Variants in TASP1 observed in about 807,000 individuals in gnomAD.
TASP1 encodes threonine aspartase 1.
TASP1 carries 16 observed loss-of-function variants against 56.6 expected under a neutral mutation model. The ratio of observed to expected loss-of-function variants is 0.28; its 90% CI spans 0.19 to 0.43. The LOEUF is 0.43. Ranked by LOEUF, TASP1 falls within the 20% of genes least tolerant of loss-of-function variation. TASP1 has a pLI of 1.00. For synonymous variants in TASP1, 179 were observed against 184.2 expected (o/e 0.97, Z 0.23); for missense variants, 393 against 511.6 (o/e 0.77, Z 2.24).
chr20:13,393,817 G>C, intron 13 of TASP1: 1 of 558,918 alleles, frequency 1.8e-6, no homozygotes, highest in Non-Finnish European at 3.2e-6. Context: ...CCTGAAGAGG[G>C]AGGGGCCTAG....
intron 6 of TASP1, among the ~76,000 whole-genome samples, chr20:13,570,919 T>A (rs1446937262): frequency 6.6e-6 from 1 of 152,060 alleles, no homozygotes; most frequent in South Asian, 2.1e-4. Flanking sequence ...ATTCTGTTCA[T>A]GAGAAGATGT....
chr20:13,590,875 T>A (rs1601365344), intron 4 of TASP1, among the ~76,000 whole-genome samples: 2 of 151,286 alleles, frequency 1.3e-5, no homozygotes, highest in South Asian at 2.1e-4. Context: ...CAAAAAAAAA[T>A]AAATAAATAA....
At chr20:13,582,189 A>T (rs1395624244) in intron 5 of TASP1, among the ~76,000 whole-genome samples, 1 of 151,828 alleles carries the variant, frequency 6.6e-6, no homozygotes, top group African/African-American at 2.4e-5. Context: ...ATATAGTTCT[A>T]GATGTGATGA....
At chr20:13,247,526 G>GTGTGTC in the TASP1 span, among the ~76,000 whole-genome samples, 601 of 149,458 alleles carry the variant, frequency 4.0e-3, 2 homozygotes, top group African/African-American at 0.014. Context: ...GGGTGTGTGT[G>GTGTGTC]TGTGTGTGTG....
chr20:13,632,693 T>C (rs6042265), intron 1 of TASP1, among the ~76,000 whole-genome samples: 4,326 of 152,268 alleles, frequency 0.028, 216 homozygotes, highest in African/African-American at 0.096. Flanking sequence ...AATACATGAC[T>C]CTATCCTCCA....
At chr20:13,482,437 A>T (rs2043174171) in intron 11 of TASP1, among the ~76,000 whole-genome samples, 1 of 152,094 alleles carries the variant, frequency 6.6e-6, no homozygotes. Flanking sequence ...TTTCTATTTC[A>T]GAAGAATGTC....
intron 1 of TASP1, among the ~76,000 whole-genome samples, chr20:13,637,486 C>CAT (rs1466407645): frequency 6.6e-6 from 1 of 152,160 alleles, no homozygotes; most frequent in Non-Finnish European, 1.5e-5. Context: ...TAGAAACAAC[C>CAT]TAAATGTCCA....
the TASP1 span, among the ~76,000 whole-genome samples, chr20:13,213,862 A>G: frequency 3.6e-4 from 55 of 152,286 alleles, no homozygotes; most frequent in African/African-American, 1.3e-3. Flanking sequence ...AATCCTAGAG[A>G]AACAAACATA....
At chr20:13,362,289 C>G in the TASP1 span, among the ~76,000 whole-genome samples, 3 of 151,824 alleles carry the variant, frequency 2.0e-5, no homozygotes, top group South Asian at 2.1e-4. Flanking sequence ...GTGACTTGCA[C>G]GTATATGCCC....
intron 11 of TASP1, among the ~76,000 whole-genome samples, chr20:13,466,614 G>A (rs575574378): frequency 2.1e-4 from 32 of 152,210 alleles, no homozygotes; most frequent in South Asian, 1.5e-3. Context: ...GGTGGCATGC[G>A]CCTGTAATCC....
rs373873578 is a variant in TASP1, at chr20:13,438,407, T to G, written c.986-3253A>C. On this transcript the variant is annotated intron_variant, in intron 11 of 13. Transcript: ENST00000337743. ...CTGACAAAAACAAGAAATGGGGAAA[T>G]GATTCCCTATTTAATAAATGGTGCT... Among the ~76,000 whole-genome samples the G allele has an allele frequency of 3.2e-3, 492 of 152,150 alleles. 2 individuals are homozygous for G. Among genetic ancestry groups the G allele is most frequent in the East Asian group, 0.011 (58 of 5,166 alleles).
intron 8 of TASP1, among the ~76,000 whole-genome samples, chr20:13,550,185 C>G (rs113505026): frequency 3.5e-4 from 52 of 148,468 alleles, no homozygotes; most frequent in East Asian, 1.8e-3. Context: ...CACACACACA[C>G]AGAGACACTG....
chr20:13,490,883 C>T (rs976331653), intron 10 of TASP1, among the ~76,000 whole-genome samples: 2 of 152,082 alleles, frequency 1.3e-5, no homozygotes, highest in African/African-American at 4.8e-5. Flanking sequence ...AGAAAAATCA[C>T]ATAAAGCATT....
chr20:13,596,695 A>C (rs1022435272), intron 4 of TASP1, among the ~76,000 whole-genome samples: 1 of 152,208 alleles, frequency 6.6e-6, no homozygotes, highest in Non-Finnish European at 1.5e-5. Context: ...AGCAGAACTG[A>C]AGGAGACAGA....
the TASP1 span, among the ~76,000 whole-genome samples, chr20:13,222,978 C>CT: frequency 1.3e-5 from 2 of 152,052 alleles, no homozygotes; most frequent in African/African-American, 2.4e-5. Context: ...TCCTGGCCGA[C>CT]ATGGTGAAAC....
At chr20:13,110,578 G>A in the TASP1 span, among the ~76,000 whole-genome samples, 1 of 152,170 alleles carries the variant, frequency 6.6e-6, no homozygotes, top group Non-Finnish European at 1.5e-5. Context: ...CTTTATGACT[G>A]GTAGAAATTG....
At chr20:13,172,637 G>A in the TASP1 span, among the ~76,000 whole-genome samples, 2 of 152,208 alleles carry the variant, frequency 1.3e-5, no homozygotes, top group South Asian at 4.2e-4. Context: ...ACAAAGCACT[G>A]CCTTCAGAAT....
chr20:13,621,494 T>C (rs2048716333), intron 4 of TASP1, among the ~76,000 whole-genome samples: 3 of 152,192 alleles, frequency 2.0e-5, no homozygotes, highest in South Asian at 2.1e-4. Context: ...TAAAGTCACT[T>C]GGGGAAGAAT....
the TASP1 span, among the ~76,000 whole-genome samples, chr20:13,358,379 C>G: frequency 4.6e-5 from 7 of 152,308 alleles, no homozygotes; most frequent in Non-Finnish European, 8.8e-5. Flanking sequence ...GGAGATCAAT[C>G]CCCCGTCCTC....
Sources: allele counts gnomAD v4.1 joint callset (sites outside exome capture counted in the v4.1 genomes callset), GRCh38; gene constraint gnomAD v4.1.1; transcripts MANE v1.5; gene names NCBI Gene and HGNC (gene_info 2026-07-23, HGNC 2026-07-21).